The following NF1 variants were observed in gnomAD, a reference collection of about 807,000 sequenced individuals.
The protein encoded by NF1 is neurofibromin 1.
NF1 carries 122 observed loss-of-function variants against 325.7 expected under a neutral mutation model. The observed-to-expected ratio is 0.37, with a 90% CI of 0.32 to 0.44. NF1 has a LOEUF of 0.44. NF1 is among the 20% of genes least tolerant of loss of function. NF1 has a pLI of 1.00. For missense variants in NF1, 2,140 were observed against 3,415.4 expected (o/e 0.63, Z 9.31); for synonymous variants, 1,091 against 1,186.0 (o/e 0.92, Z 1.65).
intron 8 of NF1, among the ~76,000 whole-genome samples, chr17:31,184,441 A>T (rs1490958661): frequency 2.0e-5 from 3 of 151,782 alleles, no homozygotes; most frequent in Non-Finnish European, 4.4e-5. Flanking sequence ...CGAGGTCAGG[A>T]GATCGAGACC....
intron 36 of NF1, among the ~76,000 whole-genome samples, chr17:31,282,617 C>A (rs920790901): frequency 2.0e-5 from 3 of 152,080 alleles, no homozygotes; most frequent in African/African-American, 7.2e-5. Context: ...AATATGTGCT[C>A]TTTTGTGACT....
chr17:31,260,331 C>A, intron 33 of NF1, 38 bp from the exon 34 acceptor site: 1 of 1,604,194 alleles, frequency 6.2e-7, no homozygotes, highest in Non-Finnish European at 8.5e-7. Context: ...CTGGGTGTAT[C>A]TGGTGTTGAA....
At position 31,258,080 on chromosome 17, in the gene NF1, T is replaced by C. The variant is rs113857757; in HGVS notation, c.4174-264T>C. Among the ~76,000 whole-genome samples, 1,286 of 152,244 alleles carry C rather than the reference T, an allele frequency of 8.4e-3. 26 individuals carry two copies. The highest frequency in any genetic ancestry group is 0.03 in the African/African-American group (1,228 of 41,548). ...AAGTGATGATACAGTGAAGATCTTT[T>C]TTCAGGTTTCTTCTACCCATCTCAT... On this transcript the variant is annotated intron_variant, in intron 31 of 57. Transcript: ENST00000358273.
chr17:31,352,918 C>A (rs866058801), intron 51 of NF1, among the ~76,000 whole-genome samples: 4 of 151,072 alleles, frequency 2.6e-5, no homozygotes, highest in African/African-American at 9.7e-5. Context: ...TTTCTTTTTT[C>A]TTTTCTTGAT....
Position 31,214,175 on chromosome 17 carries a change from C to T in NF1, c.1393-276C>T, listed in dbSNP as rs534451694. On this transcript the variant is annotated intron_variant, in intron 12 of 57. Transcript: ENST00000358273. Reference sequence around the variant, plus strand: ...AGTTTTTTACATAGATGTTTTACAACCTGATACTAAGCTTTTAGTATTGTA... The same window carrying T: ...AGTTTTTTACATAGATGTTTTACAATCTGATACTAAGCTTTTAGTATTGTA... Among the ~76,000 whole-genome samples, 10 of 151,870 alleles carry T rather than the reference C, an allele frequency of 6.6e-5. No individual in the cohort carries two copies. The South Asian group carries it at 2.1e-3, about 31-fold the overall frequency.
rs199474765 is a variant in NF1 at position 31,235,651 on chromosome 17, G to C, written c.3749G>C (p.Arg1250Pro). 1 of 1,613,864 alleles carries C rather than the reference G, an allele frequency of 6.2e-7. No individual in the cohort carries two copies. Reference sequence around the variant, plus strand: ...GTTCTGGTTACTCTGTTTGATTCTCGGCATTTACTCTACCAACTGCTCTGG... The same window carrying C: ...GTTCTGGTTACTCTGTTTGATTCTCCGCATTTACTCTACCAACTGCTCTGG... ...ARVLVTLFDS[R>P]HLLYQLLWNM... Residue 1250 changes from arginine (R) to proline (P), a missense_variant, in exon 28 of 58, where the codon CGG (arginine) becomes CCG (proline). Around this residue, in one of 10 missense-constraint regions of NF1, gnomAD observed 336 missense variants for 399.0 expected, o/e 0.84. Coordinates refer to ENST00000358273, the MANE Select transcript of NF1 (RefSeq NM_001042492.3).
At chr17:31,190,840 G>A (rs2066329310) in intron 8 of NF1, among the ~76,000 whole-genome samples, 1 of 152,158 alleles carries the variant, frequency 6.6e-6, no homozygotes, top group African/African-American at 2.4e-5. Flanking sequence ...TTTTTGTCAG[G>A]ATTAGCTGTT....
chr17:31,103,487 C>A (rs12940474), intron 1 of NF1, among the ~76,000 whole-genome samples: 1 of 151,898 alleles, frequency 6.6e-6, no homozygotes, highest in Admixed American at 6.6e-5. Flanking sequence ...TGAGGTGATC[C>A]GCCCGCTTCA....
chr17:31,304,017 T>C (rs1232776300), intron 36 of NF1: 1 of 334,370 alleles, frequency 3.0e-6, no homozygotes, highest in Non-Finnish European at 5.4e-6. Flanking sequence ...TATTGAAACA[T>C]ACCATTTACA....
intron 30 of NF1, chr17:31,251,424 C>G (rs2067492142): frequency 5.0e-6 from 1 of 198,224 alleles, no homozygotes; most frequent in African/African-American, 2.3e-5. Flanking sequence ...TATATACCTT[C>G]CTTCCTTAGT....
chr17:31,334,224 G>C (rs1172590262), intron 39 of NF1, among the ~76,000 whole-genome samples: 1 of 151,310 alleles, frequency 6.6e-6, no homozygotes, highest in African/African-American at 2.4e-5. Context: ...GTGAACCCGG[G>C]AGGCGGAACT....
At chr17:31,311,480 T>G (rs1200072567) in intron 36 of NF1, among the ~76,000 whole-genome samples, 1 of 152,184 alleles carries the variant, frequency 6.6e-6, no homozygotes, top group Non-Finnish European at 1.5e-5. Context: ...AGCAGTAGTA[T>G]TATCTCTAAC....
At chr17:31,193,060 T>TA (rs2066374686) in intron 8 of NF1, among the ~76,000 whole-genome samples, 1 of 152,198 alleles carries the variant, frequency 6.6e-6, no homozygotes, top group African/African-American at 2.4e-5. Context: ...TCTTCCAGTC[T>TA]AGCTTTTATA....
chr17:31,107,902 TG>T (rs1913011011), intron 1 of NF1, among the ~76,000 whole-genome samples: 1 of 151,216 alleles, frequency 6.6e-6, no homozygotes, highest in Admixed American at 6.6e-5. Flanking sequence ...CTTTGGGAGG[TG>T]GGGGAGGGAG....
At chr17:31,246,924 C>T (rs909547225) in intron 29 of NF1, among the ~76,000 whole-genome samples, 2 of 152,038 alleles carry the variant, frequency 1.3e-5, no homozygotes, top group African/African-American at 2.4e-5. Flanking sequence ...GGGCCGGGCA[C>T]GGTGGCTCAT....
At chr17:31,178,246 G>T (rs1437366642) in intron 5 of NF1, among the ~76,000 whole-genome samples, 2 of 152,150 alleles carry the variant, frequency 1.3e-5, no homozygotes, top group African/African-American at 4.8e-5. Context: ...TTTCATCACA[G>T]AATTTCATAT....
At chr17:31,206,154 A>G (rs2066616546) in intron 11 of NF1, 86 bp from the exon 12 acceptor site, 1 of 1,504,812 alleles carries the variant, frequency 6.6e-7, no homozygotes, top group Non-Finnish European at 9.2e-7. Context: ...ACAAAAGGAT[A>G]AAACTTAAAA....
At chr17:31,261,616 C>T (rs2151465954) in intron 34 of NF1, 95 bp from the exon 35 acceptor site, 2 of 1,331,684 alleles carry the variant, frequency 1.5e-6, no homozygotes, top group African/African-American at 1.4e-5. Context: ...AATCAGCTGA[C>T]AGTAAAAGGA....
rs2069376896 is a variant in NF1, at chr17:31,327,555, A to G, written c.5325A>G (p.Gln1775=). ...TSAERTKVLG[Q]SVFLNDIYYA... is the part of the protein sequence containing the mutation. ...CAGAGCGAACAAAAGTCCTAGGGCA[A>G]TCAGTCTTTCTAAATGACATTTATT... is the stretch of plus-strand genomic sequence containing the variant. The change falls in exon 38 of 58, where the codon CAA becomes CAG. Residue 1775 remains glutamine (Q), a synonymous_variant. Transcript: ENST00000358273. 1 of 1,614,082 alleles carries G rather than the reference A, an allele frequency of 6.2e-7. No homozygotes were observed. Among genetic ancestry groups the G allele is most frequent in the South Asian group, 1.1e-5 (1 of 91,088 alleles).
Sources: allele counts gnomAD v4.1 joint callset (sites outside exome capture counted in the v4.1 genomes callset), GRCh38; gene constraint gnomAD v4.1.1; regional missense constraint gnomAD v4.1.1; transcripts MANE v1.5; gene names NCBI Gene and HGNC (gene_info 2026-07-23, HGNC 2026-07-21).